NOS2: variants seen among roughly 807,000 people sequenced by gnomAD.
The protein encoded by NOS2 is nitric oxide synthase, inducible.
A neutral mutation model predicts 136.0 loss-of-function variants in NOS2; 96 were observed. The ratio of observed to expected loss-of-function variants is 0.71; its 90% CI spans 0.60 to 0.84. The LOEUF is 0.84. Among genes scored for constraint, NOS2 ranks in the 40% least tolerant of loss-of-function variants. NOS2 has a pLI of 0.00. For synonymous variants in NOS2, 539 were observed against 587.5 expected (o/e 0.92, Z 1.20); for missense variants, 1,237 against 1,496.9 (o/e 0.83, Z 2.87).
At chr17:27,760,519 T>G (rs1345406154) in intron 24 of NOS2, 104 bp downstream of exon 24, 22 of 1,477,026 alleles carry the variant, frequency 1.5e-5, no homozygotes, top group Non-Finnish European at 1.9e-5. Flanking sequence ...TTGGGAGGCC[T>G]TCCCTCGAGA....
At chr17:27,758,532 C>CG (rs1296846590) in intron 26 of NOS2, among the ~76,000 whole-genome samples, 10 of 152,142 alleles carry the variant, frequency 6.6e-5, no homozygotes, top group African/African-American at 2.2e-4. Context: ...ACGAGGCTGA[C>CG]GGGGGGCAGC....
At chr17:27,792,815 C>CAAAAAA (rs34992777) in intron 2 of NOS2, among the ~76,000 whole-genome samples, 13 of 52,466 alleles carry the variant, frequency 2.5e-4, no homozygotes, top group African/African-American at 9.1e-4. Flanking sequence ...CCTATCTCTA[C>CAAAAAA]AAAAAAAAAA....
intron 19 of NOS2, among the ~76,000 whole-genome samples, chr17:27,766,180 C>T (rs745906752): frequency 6.6e-6 from 1 of 152,222 alleles, no homozygotes; most frequent in Non-Finnish European, 1.5e-5. Context: ...TCCCTGCCAA[C>T]ACTTTTCCTG....
chr17:27,758,795 C>T, intron 26 of NOS2, 86 bp downstream of exon 26: 1 of 1,086,032 alleles, frequency 9.2e-7, no homozygotes, highest in Non-Finnish European at 1.2e-6. Context: ...GCCTGATTCC[C>T]CTGGGTCTAC....
At chr17:27,761,299 G>A in intron 22 of NOS2, 68 bp from the exon 23 acceptor site, 1 of 1,172,762 alleles carries the variant, frequency 8.5e-7, no homozygotes, top group Non-Finnish European at 1.1e-6. Context: ...CAGCTGCTCC[G>A]CCCACACCAC....
At chr17:27,785,781 G>T (rs978712400) in intron 5 of NOS2, among the ~76,000 whole-genome samples, 2 of 151,404 alleles carry the variant, frequency 1.3e-5, no homozygotes, top group Non-Finnish European at 2.9e-5. Flanking sequence ...AACATAGTGA[G>T]ACCCTGTCTC....
chr17:27,793,112 G>T (rs998128461), intron 2 of NOS2, among the ~76,000 whole-genome samples: 11 of 151,436 alleles, frequency 7.3e-5, no homozygotes, highest in Non-Finnish European at 1.2e-4. Context: ...GGCTGACCTG[G>T]GGGCCAGATT....
intron 15 of NOS2, among the ~76,000 whole-genome samples, chr17:27,769,922 G>A (rs552960181): frequency 2.7e-4 from 41 of 152,296 alleles, no homozygotes; most frequent in African/African-American, 9.9e-4. Flanking sequence ...GATTCTGTTT[G>A]GAACCCGGTA....
chr17:27,781,029 C>A lies in NOS2; in HGVS notation c.864+7G>T, dbSNP rs376766774. 4 of 1,612,094 alleles carry A rather than the reference C, an allele frequency of 2.5e-6. No individual in the cohort carries two copies. The highest frequency in any genetic ancestry group is 3.4e-6 in the Non-Finnish European group (4 of 1,178,906). ...CAATGGCCGGTGGCTGAGGCTGGGCCGGGTACCTGAGTGAATTCCACGTTG... is the reference window on the plus strand; with the variant it reads ...CAATGGCCGGTGGCTGAGGCTGGGCAGGGTACCTGAGTGAATTCCACGTTG... On this transcript the variant is annotated splice_region_variant and intron_variant, in intron 8 of 26. Transcript: ENST00000313735.
chr17:27,788,747 A>C, intron 4 of NOS2, 62 bp downstream of exon 4: 1 of 1,568,978 alleles, frequency 6.4e-7, no homozygotes, highest in Admixed American at 1.7e-5. Flanking sequence ...TTTGATCCAC[A>C]AAGCCCTGGC....
At chr17:27,777,392 T>G (rs1403388118) in intron 11 of NOS2, among the ~76,000 whole-genome samples, 1 of 152,200 alleles carries the variant, frequency 6.6e-6, no homozygotes, top group Non-Finnish European at 1.5e-5. Context: ...AGGGAAGTGT[T>G]TCTATGAGTA....
At position 27,780,897 on chromosome 17, in the gene NOS2, C is replaced by A; in HGVS notation, c.874G>T (p.Asp292Tyr). The part of the protein sequence containing the change: ...ANVEFTQLCI[D>Y]LGWKPKYGRF... ...CCGTACTTGGGCTTCCAGCCCAGGT[C>A]GATGCACAGCTGGGGAACAAGACGG... The change falls in exon 9 of 27, where the codon GAC becomes TAC. Residue 292 changes from aspartate to tyrosine, a missense_variant. Coordinates refer to ENST00000313735, the MANE Select transcript of NOS2 (RefSeq NM_000625.4). The A allele has an allele frequency of 6.2e-7, 1 of 1,612,698 alleles. No homozygotes were observed. The highest frequency in any genetic ancestry group is 8.5e-7 in the Non-Finnish European group (1 of 1,179,352).
chr17:27,784,845 G>A (rs982432074), intron 5 of NOS2, among the ~76,000 whole-genome samples: 14 of 152,140 alleles, frequency 9.2e-5, no homozygotes, highest in African/African-American at 2.9e-4. Context: ...GCCATTCCCC[G>A]TTCACACCCC....
chr17:27,757,411 G>A, intron 26 of NOS2, 58 bp from the exon 27 acceptor site: 1 of 1,465,524 alleles, frequency 6.8e-7, no homozygotes, highest in Non-Finnish European at 9.5e-7. Flanking sequence ...AGCCCCTGGG[G>A]TTGCCCAGCT....
intron 11 of NOS2, among the ~76,000 whole-genome samples, chr17:27,778,316 G>T (rs982788024): frequency 1.3e-5 from 2 of 152,140 alleles, no homozygotes; most frequent in African/African-American, 4.8e-5. Context: ...GGAGCAGAAG[G>T]GTGAGGCAGT....
At position 27,771,028 on chromosome 17, in the gene NOS2, C is replaced by A; in HGVS notation, c.1705-11G>T. The A allele has an allele frequency of 6.2e-7, 1 of 1,603,302 alleles. No individual in the cohort carries two copies. Among genetic ancestry groups the A allele is most frequent in the Non-Finnish European group, 8.5e-7 (1 of 1,170,734 alleles). On this transcript the variant is annotated splice_polypyrimidine_tract_variant and intron_variant, in intron 14 of 26. Transcript: ENST00000313735. ...ATCCATGCAGACAACCTGGATGGCA[C>A]CCAAGTGGACATCAGCCCTCGGCTC...
At chr17:27,769,379 G>C (rs1182362502) in intron 16 of NOS2, among the ~76,000 whole-genome samples, 156 bp downstream of exon 16, 2 of 152,114 alleles carry the variant, frequency 1.3e-5, no homozygotes, top group Non-Finnish European at 2.9e-5. Context: ...TCTGTGGTTT[G>C]ACCCTCGACA....
At chr17:27,772,870 C>CA (rs948480556) in intron 13 of NOS2, among the ~76,000 whole-genome samples, 5 of 151,526 alleles carry the variant, frequency 3.3e-5, no homozygotes, top group South Asian at 2.1e-4. Context: ...CCCGTCTCTA[C>CA]AAAAAAAACA....
In NOS2 at chr17:27,757,293, C is replaced by T; in HGVS notation, c.3415G>A (p.Asp1139Asn). 1 of 1,614,174 alleles carries T rather than the reference C, an allele frequency of 6.2e-7. No homozygotes were observed. The highest frequency in any genetic ancestry group is 8.5e-7 in the Non-Finnish European group (1 of 1,180,016). Reference protein sequence around the residue: ...GAVFPYEAKKDRVAVQPSSLE... With the variant: ...GAVFPYEAKKNRVAVQPSSLE... ...CTGCTGGGCTGCACCGCCACCCTGT[C>T]CTTCTTCGCCTCGTAAGGAAATACA... is the stretch of plus-strand genomic sequence containing the variant. The change falls in exon 27 of 27, where the codon GAC becomes AAC. Residue 1139 changes from aspartate to asparagine, a missense_variant. Physicochemically the swap from Asp to Asn is conservative, Grantham distance 23. This residue lies in a region of NOS2 where 782 missense variants were observed against 909.9 expected (regional missense o/e 0.86). Transcript: ENST00000313735.
Sources: allele counts gnomAD v4.1 joint callset (sites outside exome capture counted in the v4.1 genomes callset), GRCh38; gene constraint gnomAD v4.1.1; regional missense constraint gnomAD v4.1.1; transcripts MANE v1.5; gene names NCBI Gene and HGNC (gene_info 2026-07-23, HGNC 2026-07-21).